Variants in FOXP1 observed in about 807,000 individuals in gnomAD.
FOXP1 encodes forkhead box P1.
Under a neutral mutation model 98.2 loss-of-function variants are expected in FOXP1, and 15 were observed. The ratio of observed to expected loss-of-function variants is 0.15; its 90% confidence interval spans 0.10 to 0.24. The LOEUF (loss-of-function observed/expected upper bound fraction) is 0.24, where lower values mean the gene tolerates loss of function less well. Among genes scored for constraint, FOXP1 ranks in the 10% least tolerant of loss-of-function variants. FOXP1 has a pLI of 1.00. For missense variants in FOXP1, 633 were observed against 848.5 expected (o/e 0.75, Z 3.15); for synonymous variants, 371 against 314.5 (o/e 1.18, Z -1.90).
chr3:71,057,130 T>C (rs1456546019), intron 7 of FOXP1, among the ~76,000 whole-genome samples: 1 of 152,118 alleles, frequency 6.6e-6, no homozygotes, highest in African/African-American at 2.4e-5. Context: ...GAGAGTGCTT[T>C]AGCACTGAGA....
At position 71,052,540 on chromosome 3, in the gene FOXP1, T is replaced by C; in HGVS notation, c.507A>G (p.Lys169=). 8.1e-7 allele frequency: 1 copy of C among 1,238,132 alleles called. No homozygotes were observed. Among genetic ancestry groups the C allele is most frequent in the Non-Finnish European group, 1.2e-6 (1 of 836,190 alleles). 76.7% of individuals were successfully genotyped at this position (1,238,132 alleles called of 1,614,324 possible). A position where few individuals can be genotyped will look rare whatever the true frequency, so the allele number is the denominator to read the frequency against. The change falls in exon 9 of 21, where the codon AAA becomes AAG. Residue 169 remains lysine, a synonymous_variant. Transcript: ENST00000649528. ...GTAAAATATGTATTGTCGGTACCTC[T>C]TTAGGCTGTTTTCCAGCATGTTGTT... ...LQQQHAGKQP[K]EQQQVATQQL...
At chr3:71,034,436 C>T (rs957481146) in intron 11 of FOXP1, among the ~76,000 whole-genome samples, 7 of 151,886 alleles carry the variant, frequency 4.6e-5, no homozygotes, top group East Asian at 1.9e-4. Context: ...AGCTATGTGA[C>T]GTGTGCAAGC....
At chr3:71,358,649 C>T (rs1271449007) in intron 4 of FOXP1, among the ~76,000 whole-genome samples, 5 of 152,146 alleles carry the variant, frequency 3.3e-5, no homozygotes, top group South Asian at 2.1e-4. Context: ...TGGTACCCAG[C>T]GAGGTGTCAG....
intron 14 of FOXP1, 121 bp downstream of exon 14, chr3:70,987,873 C>A (rs942307851): frequency 6.1e-6 from 5 of 816,872 alleles, no homozygotes; most frequent in Non-Finnish European, 8.4e-6. Flanking sequence ...GAATCTAAGG[C>A]CCTCAAAACT....
chr3:71,453,142 C>G (rs2087125130), intron 3 of FOXP1, among the ~76,000 whole-genome samples: 1 of 152,142 alleles, frequency 6.6e-6, no homozygotes. Flanking sequence ...GACACAAATC[C>G]CACAATCCTA....
intron 2 of FOXP1, among the ~76,000 whole-genome samples, chr3:71,526,519 A>G (rs1012500945): frequency 6.6e-6 from 1 of 152,236 alleles, no homozygotes; most frequent in African/African-American, 2.4e-5. Flanking sequence ...TTCCATCCAA[A>G]GCAGAAACGG....
chr3:71,241,925 AT>A (rs954052376), intron 5 of FOXP1, among the ~76,000 whole-genome samples: 6 of 151,868 alleles, frequency 4.0e-5, no homozygotes, highest in African/African-American at 9.7e-5. Context: ...AGAGAGGAAG[AT>A]TTTTTTTTAA....
intron 4 of FOXP1, among the ~76,000 whole-genome samples, chr3:71,321,159 T>C (rs1392335464): frequency 1.3e-5 from 2 of 150,008 alleles, no homozygotes; most frequent in African/African-American, 4.9e-5. Context: ...CGCTTTCAGA[T>C]AGTAAGACGA....
At chr3:71,375,746 C>A (rs1222225623) in intron 3 of FOXP1, among the ~76,000 whole-genome samples, 1 of 152,190 alleles carries the variant, frequency 6.6e-6, no homozygotes. Flanking sequence ...GGAGAAATCA[C>A]TGTTCTAGTT....
intron 4 of FOXP1, among the ~76,000 whole-genome samples, chr3:71,344,001 G>C (rs962633503): frequency 6.6e-6 from 1 of 152,154 alleles, no homozygotes; most frequent in African/African-American, 2.4e-5. Context: ...TGTACATGCA[G>C]CAAAGAACTA....
intron 3 of FOXP1, among the ~76,000 whole-genome samples, chr3:71,441,563 T>G (rs539070039): frequency 6.6e-6 from 1 of 152,230 alleles, no homozygotes; most frequent in East Asian, 1.9e-4. Context: ...AGAATGATCC[T>G]ACGATGCCCC....
intron 3 of FOXP1, among the ~76,000 whole-genome samples, chr3:71,372,399 G>A (rs2079402758): frequency 6.6e-6 from 1 of 152,066 alleles, no homozygotes; most frequent in Non-Finnish European, 1.5e-5. Context: ...CTTTCCCAAG[G>A]TCTGTGCTTT....
intron 7 of FOXP1, among the ~76,000 whole-genome samples, chr3:71,079,443 T>TA (rs2054175186): frequency 6.6e-6 from 1 of 152,162 alleles, no homozygotes; most frequent in South Asian, 2.1e-4. Context: ...GACTTTGTTC[T>TA]AAAAAAATCT....
At chr3:71,395,100 C>CAAAAA (rs10543398) in intron 3 of FOXP1, among the ~76,000 whole-genome samples, 13 of 63,770 alleles carry the variant, frequency 2.0e-4, no homozygotes, top group African/African-American at 3.8e-4. Flanking sequence ...AACCCCGTCA[C>CAAAAA]AAAAAAAAAA....
At position 71,399,700 on chromosome 3, in the gene FOXP1, T is replaced by C. The variant is rs150390895; in HGVS notation, c.-167-40456A>G. Among the ~76,000 whole-genome samples, 303 of 152,316 alleles carry C rather than the reference T, an allele frequency of 2.0e-3. 1 individual carries two copies. Among genetic ancestry groups the C allele is most frequent in the Non-Finnish European group, 3.6e-3 (247 of 68,034 alleles). On this transcript the variant is annotated intron_variant, in intron 3 of 20. Transcript: ENST00000649528. Reference sequence around the variant, plus strand: ...ACCACATCTCAACCTTTGAAAGGCATACACCTGAAATATGTAAGTAAAATG... The same window carrying C: ...ACCACATCTCAACCTTTGAAAGGCACACACCTGAAATATGTAAGTAAAATG...
intron 7 of FOXP1, among the ~76,000 whole-genome samples, chr3:71,103,494 C>T (rs1181990873): frequency 6.6e-6 from 1 of 152,218 alleles, no homozygotes; most frequent in African/African-American, 2.4e-5. Flanking sequence ...GCTGGCTTTC[C>T]TGACCGGGCA....
intron 5 of FOXP1, among the ~76,000 whole-genome samples, chr3:71,280,830 G>A (rs553393134): frequency 2.6e-5 from 4 of 151,736 alleles, no homozygotes; most frequent in Non-Finnish European, 4.4e-5. Context: ...GTTTGCTTTC[G>A]TATTTATGTT....
At chr3:71,521,988 T>C (rs1220642574) in intron 2 of FOXP1, among the ~76,000 whole-genome samples, 1 of 152,212 alleles carries the variant, frequency 6.6e-6, no homozygotes. Flanking sequence ...CAGATCTCTT[T>C]GTTTGAAAGC....
intron 19 of FOXP1, chr3:70,969,008 G>C (rs932582997): frequency 2.0e-5 from 3 of 152,154 alleles, no homozygotes; most frequent in Non-Finnish European, 4.4e-5. Flanking sequence ...GGCTACTGAA[G>C]AAGATGCCAA....
Sources: allele counts gnomAD v4.1 joint callset (sites outside exome capture counted in the v4.1 genomes callset), GRCh38; gene constraint gnomAD v4.1.1; transcripts MANE v1.5; gene names NCBI Gene and HGNC (gene_info 2026-07-23, HGNC 2026-07-21).